MED4: variants seen among roughly 807,000 people sequenced by gnomAD.
MED4 encodes mediator of RNA polymerase II transcription subunit 4.
MED4 carries 21 observed loss-of-function variants against 35.0 expected under a neutral mutation model. The ratio of observed to expected loss-of-function variants is 0.60; its 90% confidence interval spans 0.43 to 0.86. MED4 has a LOEUF of 0.86. Among genes scored for constraint, MED4 ranks in the 40% least tolerant of loss-of-function variants. The probability of loss-of-function intolerance (pLI) is 0.00; values close to 1 mark genes in which losing one functional copy is unlikely to be tolerated. For missense variants in MED4, 300 were observed against 319.4 expected, an observed-to-expected ratio of 0.94 and a Z score of 0.46; for synonymous variants, 138 against 114.0, an observed-to-expected ratio of 1.21 and a Z score of -1.34.
At position 48,076,231 on chromosome 13, in the gene MED4, A is replaced by G. The variant is rs1385264094; in HGVS notation, c.*908T>C. On this transcript the variant is annotated 3_prime_UTR_variant, in exon 7 of 7. Transcript: ENST00000258648. ...TTGTCTAAAACTGATACATCAAGAA[A>G]TAGTTGTATAAGCATATTACCTAAA... 6.6e-6 allele frequency: 1 copy of G among 152,202 alleles called. No homozygotes were observed. 9.4% of individuals were successfully genotyped at this position (152,202 alleles called of 1,614,324 possible). A position where few individuals can be genotyped will look rare whatever the true frequency, so the allele number is the denominator to read the frequency against.
At chr13:48,087,680 T>C (rs557396378) in intron 2 of MED4, among the ~76,000 whole-genome samples, 1 of 151,900 alleles carries the variant, frequency 6.6e-6, no homozygotes, top group Admixed American at 6.6e-5. Context: ...TGAAACTTCG[T>C]CTCTACTAAA....
chr13:48,086,558 C>A, intron 2 of MED4, 106 bp from the exon 3 acceptor site: 4 of 930,482 alleles, frequency 4.3e-6, no homozygotes, highest in Non-Finnish European at 4.8e-6. Flanking sequence ...AATTTCAACA[C>A]CTTCAAAATT....
Position 48,091,532 on chromosome 13 carries a change from G to C in MED4, c.126-1114C>G, listed in dbSNP as rs569919825. Reference sequence around the variant, plus strand: ...TCATTTTTCTGGATCATGTCAATTAGACCCAACCCTTCCCACTACTACTTC... The same window carrying C: ...TCATTTTTCTGGATCATGTCAATTACACCCAACCCTTCCCACTACTACTTC... On this transcript the variant is annotated intron_variant, in intron 1 of 6. Transcript: ENST00000258648. Among the ~76,000 whole-genome samples, 186 of 152,192 alleles carry C rather than the reference G, an allele frequency of 1.2e-3. 1 individual carries two copies. The highest frequency in any genetic ancestry group is 4.2e-3 in the African/African-American group (175 of 41,532).
chr13:48,093,520 A>C (rs1161162601), intron 1 of MED4: 1 of 415,336 alleles, frequency 2.4e-6, no homozygotes. Flanking sequence ...CAAACTTCAC[A>C]GATCACAGAA....
chr13:48,091,017 A>G (rs1179082722), intron 1 of MED4, among the ~76,000 whole-genome samples: 1 of 152,200 alleles, frequency 6.6e-6, no homozygotes, highest in African/African-American at 2.4e-5. Flanking sequence ...CATAAACCCA[A>G]AAGTATTTAT....
At chr13:48,089,926 G>A (rs900036977) in intron 2 of MED4, among the ~76,000 whole-genome samples, 4 of 152,196 alleles carry the variant, frequency 2.6e-5, no homozygotes, top group Non-Finnish European at 4.4e-5. Context: ...TCTAATAAGA[G>A]TTGTATGCTC....
At chr13:48,085,534 T>C (rs990141480) in intron 3 of MED4, among the ~76,000 whole-genome samples, 8 of 152,186 alleles carry the variant, frequency 5.3e-5, no homozygotes, top group Admixed American at 1.3e-4. Context: ...GTGAGTTGTT[T>C]CCTTAGTAGA....
chr13:48,094,928 C>T (rs3809330), intron 1 of MED4, 26 bp downstream of exon 1: 334,824 of 1,598,580 alleles, frequency 0.21, 37,912 homozygotes, highest in African/African-American at 0.44. Context: ...CCAGCTCCAG[C>T]CCGGCTCTCA....
At chr13:48,093,054 G>C (rs900494409) in intron 1 of MED4, among the ~76,000 whole-genome samples, 4 of 152,300 alleles carry the variant, frequency 2.6e-5, no homozygotes, top group Admixed American at 1.3e-4. Context: ...CAAGAGCCCT[G>C]TCCTGCTAAA....
intron 2 of MED4, among the ~76,000 whole-genome samples, chr13:48,087,981 C>G (rs1206977684): frequency 1.3e-5 from 2 of 152,196 alleles, no homozygotes; most frequent in African/African-American, 4.8e-5. Flanking sequence ...AGTCCTCCAT[C>G]TGCTAGCTGT....
chr13:48,093,532 CAGTACACATA>C, intron 1 of MED4: 1 of 445,954 alleles, frequency 2.2e-6, no homozygotes, highest in Non-Finnish European at 4.6e-6. Flanking sequence ...ATCACAGAAT[CAGTACACATA>C]ACTACCTCTG....
intron 2 of MED4, 148 bp downstream of exon 2, chr13:48,090,203 TA>T: frequency 1.7e-6 from 1 of 602,496 alleles, no homozygotes; most frequent in Non-Finnish European, 2.8e-6. Flanking sequence ...AAAATACCAA[TA>T]TTAAAGTTTT....
At position 48,086,365 on chromosome 13, in the gene MED4, G is replaced by A; in HGVS notation, c.280C>T (p.Gln94Ter). ...LNQGKIHHEM[Q>*]VLEKEVEKRD... ...TTCTCTACTTCTTTTTCTAAAACTT[G>A]CATTTCATGATGAATTTTTCCCTGA... The change falls in exon 3 of 7, where the codon CAA becomes TAA. Residue 94 changes from glutamine (Q) to a stop codon, truncating the protein, a stop_gained. Transcript: ENST00000258648. LOFTEE classifies it high-confidence loss of function. 1 of 1,613,300 alleles carries A rather than the reference G, an allele frequency of 6.2e-7. No individual in the cohort carries two copies. The highest frequency in any genetic ancestry group is 1.1e-5 in the South Asian group (1 of 91,060).
chr13:48,077,789 C>A (rs906412575), intron 6 of MED4, among the ~76,000 whole-genome samples: 6 of 152,058 alleles, frequency 3.9e-5, no homozygotes, highest in African/African-American at 1.4e-4. Flanking sequence ...GATATTTTAG[C>A]AACTGGGGAC....
At chr13:48,087,767 T>C (rs1950863018) in intron 2 of MED4, among the ~76,000 whole-genome samples, 1 of 151,904 alleles carries the variant, frequency 6.6e-6, no homozygotes, top group South Asian at 2.1e-4. Context: ...GAAGAATTGC[T>C]TGAACCCAGG....
chr13:48,077,286 C>A lies in MED4; in HGVS notation c.666G>T (p.Trp222Cys). 1 of 1,545,686 alleles carries A rather than the reference C, an allele frequency of 6.5e-7. No individual in the cohort carries two copies. The highest frequency in any genetic ancestry group is 2.4e-5 in the East Asian group (1 of 41,460). ...LPDVLAPQYP[W>C]QSNDMSMNML... ...TATTCATCGACATGTCATTTGACTG[C>A]CATGGATACTGTGGAGCAAGGACAT... The change falls in exon 7 of 7, where the codon TGG becomes TGT. Residue 222 changes from tryptophan to cysteine, a missense_variant. Physicochemically the swap from Trp to Cys is radical, Grantham distance 215. Coordinates refer to ENST00000258648, the MANE Select transcript of MED4 (RefSeq NM_014166.4).
rs1950757674 is a variant in MED4 at position 48,076,210 on chromosome 13, C to T, written c.*929G>A. On this transcript the variant is annotated 3_prime_UTR_variant, in exon 7 of 7. Transcript: ENST00000258648. ...CCTTTGAAATCAGAAGATACATTGT[C>T]TAAAACTGATACATCAAGAAATAGT... 6.6e-6 allele frequency: 1 copy of T among 152,106 alleles called. No individual in the cohort carries two copies. The highest frequency in any genetic ancestry group is 2.4e-5 in the African/African-American group (1 of 41,422). 9.4% of individuals were successfully genotyped at this position (152,106 alleles called of 1,614,324 possible).
chr13:48,080,188 G>C (rs779870688), intron 5 of MED4, among the ~76,000 whole-genome samples: 4 of 151,624 alleles, frequency 2.6e-5, no homozygotes, highest in Non-Finnish European at 5.9e-5. Context: ...CCTCAAGTCA[G>C]AAGTTCAAGA....
intron 1 of MED4, among the ~76,000 whole-genome samples, chr13:48,090,699 T>G (rs1950884123): frequency 6.6e-6 from 1 of 152,212 alleles, no homozygotes; most frequent in Non-Finnish European, 1.5e-5. Context: ...AAAGGACAGC[T>G]ATAAAGAAAG....
Sources: gnomAD v4.1 joint callset for allele counts (sites outside exome capture counted in the v4.1 genomes callset) on GRCh38, gnomAD v4.1.1 for gene constraint, MANE v1.5 for transcripts, NCBI Gene and HGNC (gene_info 2026-07-23, HGNC 2026-07-21) for gene names.